The following CIT variants were observed in gnomAD, a reference collection of about 807,000 sequenced individuals.
CIT encodes the protein citron Rho-interacting kinase.
In CIT, 79 loss-of-function variants were observed where a neutral mutation model predicts 272.7. The observed-to-expected ratio is 0.29, with a 90% CI of 0.24 to 0.35. CIT has a LOEUF of 0.35. Ranked by LOEUF, CIT falls within the 10% of genes least tolerant of loss-of-function variation. CIT has a pLI of 1.00. For missense variants in CIT, 1,909 were observed against 2,618.3 expected (o/e 0.73, Z 5.91); for synonymous variants, 948 against 995.6 (o/e 0.95, Z 0.90).
intron 2 of CIT, 50 bp downstream of exon 2, chr12:119,876,023 G>C (rs1192208907): frequency 9.1e-7 from 1 of 1,099,990 alleles, no homozygotes; most frequent in Admixed American, 1.9e-5. Flanking sequence ...GTGACAAGGA[G>C]ATTCCAAGGA....
At chr12:119,793,820 C>A (rs982214430) in intron 10 of CIT, among the ~76,000 whole-genome samples, 2 of 152,246 alleles carry the variant, frequency 1.3e-5, no homozygotes, top group African/African-American at 4.8e-5. Flanking sequence ...GTGCTTGGCA[C>A]ATAGTAGGCT....
At chr12:119,700,611 G>A in intron 44 of CIT, 134 bp downstream of exon 44, 1 of 742,424 alleles carries the variant, frequency 1.3e-6, no homozygotes, top group South Asian at 1.4e-5. Flanking sequence ...TCAAACTCCT[G>A]ACCTCATGAT....
At chr12:119,782,399 C>T in intron 13 of CIT, 119 bp downstream of exon 13, 1 of 1,163,736 alleles carries the variant, frequency 8.6e-7, no homozygotes, top group Non-Finnish European at 1.2e-6. Flanking sequence ...CTCTTCCACT[C>T]TGCCCCCACC....
intron 26 of CIT, among the ~76,000 whole-genome samples, chr12:119,733,198 G>A (rs1395540736): frequency 3.3e-5 from 5 of 150,860 alleles, no homozygotes; most frequent in Non-Finnish European, 7.4e-5. Context: ...GATACTGCCT[G>A]AACTGATTAT....
chr12:119,808,253 G>C (rs2137922441), intron 9 of CIT, among the ~76,000 whole-genome samples: 1 of 152,174 alleles, frequency 6.6e-6, no homozygotes, highest in African/African-American at 2.4e-5. Context: ...TTGTCCTCTT[G>C]GGACTCCTTC....
intron 44 of CIT, among the ~76,000 whole-genome samples, chr12:119,700,288 G>A (rs1473841389): frequency 6.6e-6 from 1 of 152,198 alleles, no homozygotes; most frequent in African/African-American, 2.4e-5. Context: ...ACAGTTCTCC[G>A]GGTGACTGTT....
chr12:119,822,448 T>C (rs1967803326), intron 9 of CIT, among the ~76,000 whole-genome samples: 2 of 152,218 alleles, frequency 1.3e-5, no homozygotes, highest in Admixed American at 6.5e-5. Context: ...AACCTGGGCA[T>C]GTTGCCTAAT....
intron 46 of CIT, among the ~76,000 whole-genome samples, chr12:119,696,567 C>G (rs1251171988): frequency 1.3e-5 from 2 of 152,030 alleles, no homozygotes; most frequent in Non-Finnish European, 2.9e-5. Flanking sequence ...CACTCTGTGC[C>G]CAGGCTGGAG....
At chr12:119,838,083 T>G (rs929555528) in intron 5 of CIT, among the ~76,000 whole-genome samples, 3 of 151,742 alleles carry the variant, frequency 2.0e-5, no homozygotes, top group South Asian at 2.1e-4. Flanking sequence ...TTTTTTTGGG[T>G]TTTTTTTGAG....
chr12:119,829,564 C>T (rs7978181), intron 7 of CIT, among the ~76,000 whole-genome samples: 4,221 of 152,256 alleles, frequency 0.028, 113 homozygotes, highest in East Asian at 0.13. Flanking sequence ...AAAGGGCTAT[C>T]TCTTGTGGGG....
At chr12:119,842,571 A>G (rs867912999) in intron 5 of CIT, among the ~76,000 whole-genome samples, 4 of 152,214 alleles carry the variant, frequency 2.6e-5, no homozygotes, top group Admixed American at 2.0e-4. Flanking sequence ...TGCAGAATAC[A>G]GGACTAGCTT....
At chr12:119,740,600 G>T (rs1479149837) in intron 24 of CIT, among the ~76,000 whole-genome samples, 1 of 151,990 alleles carries the variant, frequency 6.6e-6, no homozygotes, top group Non-Finnish European at 1.5e-5. Context: ...AAGAACTCCA[G>T]ATGAATGGAA....
At chr12:119,752,797 C>T (rs111359364) in intron 22 of CIT, among the ~76,000 whole-genome samples, 52 of 152,280 alleles carry the variant, frequency 3.4e-4, no homozygotes, top group Middle Eastern at 6.8e-3. Flanking sequence ...TTTCATCATT[C>T]ATTTAACAAA....
chr12:119,855,144 C>A (rs1970502340), intron 4 of CIT, among the ~76,000 whole-genome samples: 1 of 151,914 alleles, frequency 6.6e-6, no homozygotes, highest in South Asian at 2.1e-4. Context: ...AACAGTCGGC[C>A]AGGCACAGTG....
intron 5 of CIT, among the ~76,000 whole-genome samples, chr12:119,839,665 G>A (rs752114831): frequency 3.9e-5 from 6 of 152,138 alleles, no homozygotes; most frequent in African/African-American, 7.2e-5. Flanking sequence ...CCATCTATGC[G>A]AAAAATCCTC....
At chr12:119,767,261 T>A (rs1593660468) in intron 18 of CIT, 79 bp from the exon 19 acceptor site, 2 of 1,139,992 alleles carry the variant, frequency 1.8e-6, no homozygotes, top group South Asian at 3.1e-5. Flanking sequence ...ACAGGAAACA[T>A]GACTTTGGTA....
intron 44 of CIT, 23 bp downstream of exon 44, chr12:119,700,722 C>A (rs771155845): frequency 6.3e-7 from 1 of 1,594,150 alleles, no homozygotes; most frequent in Non-Finnish European, 8.6e-7. Context: ...AAAAGAGAAG[C>A]CCCCACACTG....
At chr12:119,839,237 G>A (rs931397429) in intron 5 of CIT, among the ~76,000 whole-genome samples, 6 of 152,174 alleles carry the variant, frequency 3.9e-5, no homozygotes, top group African/African-American at 1.4e-4. Context: ...CTGTGCACAC[G>A]TGCACACACA....
At chr12:119,834,988 C>T (rs1383468782) in intron 5 of CIT, among the ~76,000 whole-genome samples, 1 of 152,120 alleles carries the variant, frequency 6.6e-6, no homozygotes, top group Non-Finnish European at 1.5e-5. Context: ...AAAGTGAAAT[C>T]TTGTAAAGAA....
Sources: allele counts gnomAD v4.1 joint callset (sites outside exome capture counted in the v4.1 genomes callset), GRCh38; gene constraint gnomAD v4.1.1; transcripts MANE v1.5; gene names NCBI Gene and HGNC (gene_info 2026-07-23, HGNC 2026-07-21).